The following CFAP74 variants were observed in gnomAD, a reference collection of about 807,000 sequenced individuals.
The protein encoded by CFAP74 is cilia- and flagella-associated protein 74.
In CFAP74, 124 loss-of-function variants were observed where a neutral mutation model predicts 188.9. The ratio of observed to expected loss-of-function variants is 0.66; its 90% CI spans 0.57 to 0.76. CFAP74 has a LOEUF of 0.76. Ranked by LOEUF, CFAP74 falls within the 30% of genes least tolerant of loss-of-function variation. The probability of loss-of-function intolerance (pLI) is 0.00; values close to 1 mark genes in which losing one functional copy is unlikely to be tolerated. For synonymous variants in CFAP74, 956 were observed against 916.7 expected, an observed-to-expected ratio of 1.04 and a Z score of -0.77; for missense variants, 2,198 against 2,165.2, an observed-to-expected ratio of 1.02 and a Z score of -0.30.
chr1:1,931,743 C>CAGAAACA (rs1652400160), intron 25 of CFAP74, among the ~76,000 whole-genome samples: 1 of 77,088 alleles, frequency 1.3e-5, no homozygotes. Flanking sequence ...GTCTCTGTCT[C>CAGAAACA]AAAAAAAAAA....
At chr1:1,950,051 T>A (rs192231857) in intron 18 of CFAP74, among the ~76,000 whole-genome samples, 1 of 152,194 alleles carries the variant, frequency 6.6e-6, no homozygotes, top group African/African-American at 2.4e-5. Context: ...CCTTGGTGGG[T>A]GTCTGGCTTT....
chr1:1,943,488 C>G (rs1653531193), intron 21 of CFAP74, among the ~76,000 whole-genome samples: 1 of 152,252 alleles, frequency 6.6e-6, no homozygotes, highest in African/African-American at 2.4e-5. Context: ...GTCCGCACAC[C>G]CTGCTCCTTG....
rs369362873 is a variant in CFAP74, at chr1:1,992,599, G to A, written c.-19-1624C>T. ...CGCCCCTCTCCTGTCTCAGCCTCCCGAGTAGCTGGGACTACAGGCGCCCAC... is the reference window on the plus strand; with the variant it reads ...CGCCCCTCTCCTGTCTCAGCCTCCCAAGTAGCTGGGACTACAGGCGCCCAC... On this transcript the variant is annotated intron_variant, in intron 1 of 38. Coordinates refer to ENST00000682832, the MANE Select transcript of CFAP74 (RefSeq NM_001304360.2). 2.1e-3 allele frequency among the ~76,000 whole-genome samples: 321 copies of A among 151,556 alleles called. 2 individuals carry two copies. Among genetic ancestry groups the A allele is most frequent in the African/African-American group, 7.4e-3 (306 of 41,286 alleles).
In CFAP74 at chr1:1,927,731, CCATATT is replaced by C. The variant is rs931953484; in HGVS notation, c.3397_3402del (p.Asn1133_Met1134del). 6.5e-7 allele frequency: 1 copy of C among 1,549,916 alleles called. No individual in the cohort carries two copies. Among genetic ancestry groups the C allele is most frequent in the Non-Finnish European group, 8.7e-7 (1 of 1,146,756 alleles). On this transcript the variant is annotated inframe_deletion, in exon 28 of 39. Transcript: ENST00000682832. ...CCATGCAGGTCCTTCCTCTGGGGGG[CCATATT>C]CTTTCGGAACTGTGGGGGGAGCGAC...
At chr1:1,986,472 C>T (rs1048971386) in intron 5 of CFAP74, among the ~76,000 whole-genome samples, 12 of 152,196 alleles carry the variant, frequency 7.9e-5, no homozygotes, top group Admixed American at 3.9e-4. Context: ...GGGCTGAACT[C>T]GGCAGGCCCT....
chr1:1,924,954 G>A (rs371553356), intron 33 of CFAP74, among the ~76,000 whole-genome samples: 25 of 152,380 alleles, frequency 1.6e-4, no homozygotes, highest in African/African-American at 4.8e-4. Flanking sequence ...TGTCCCTCCC[G>A]GACCCACACT....
In CFAP74 at chr1:1,926,151, C is replaced by T. The variant is rs143829795; in HGVS notation, c.3948+77G>A. 2.9e-4 allele frequency: 418 copies of T among 1,454,336 alleles called. 1 individual carries two copies. The East Asian group carries it at 9.8e-3, about 34-fold the overall frequency. 90.1% of individuals were successfully genotyped at this position (1,454,336 alleles called of 1,614,324 possible). ...CCCAGGCCTGAGCACAGGTGATGCC[C>T]GCCCCGGCCAGTGCCTTTGTTCTGC... On this transcript the variant is annotated intron_variant, in intron 32 of 38. Transcript: ENST00000682832.
At chr1:1,988,814 CT>C (rs1283769899) in intron 3 of CFAP74, 74 bp downstream of exon 3, 13 of 695,984 alleles carry the variant, frequency 1.9e-5, no homozygotes, top group Non-Finnish European at 3.1e-5. Flanking sequence ...GCCCCGCTCC[CT>C]TCACCCACCC....
In CFAP74 at chr1:1,957,160, A is replaced by C. The variant is rs148955538; in HGVS notation, c.1852-376T>G. On this transcript the variant is annotated intron_variant, in intron 16 of 38. Transcript: ENST00000682832. The stretch of plus-strand genomic sequence containing the variant: ...GGACTCTGGATACAGGGACCCAGGG[A>C]GCATCCTTCCAGAACGGGAGCACGC... 7.5e-3 allele frequency among the ~76,000 whole-genome samples: 1,140 copies of C among 152,280 alleles called. 23 individuals are homozygous for C. The highest frequency in any genetic ancestry group is 0.026 in the African/African-American group (1,061 of 41,560).
intron 22 of CFAP74, 121 bp from the exon 23 acceptor site, chr1:1,940,524 C>T (rs952272528): frequency 4.2e-5 from 29 of 689,992 alleles, no homozygotes; most frequent in Non-Finnish European, 6.3e-5. Flanking sequence ...GGAACATCAG[C>T]GCTGGGAGAC....
intron 33 of CFAP74, among the ~76,000 whole-genome samples, chr1:1,925,150 G>A (rs1418491458): frequency 4.7e-5 from 7 of 149,938 alleles, no homozygotes; most frequent in Non-Finnish European, 8.9e-5. Context: ...ACGCAGGGCA[G>A]GGCGAAGGCA....
intron 6 of CFAP74, among the ~76,000 whole-genome samples, chr1:1,974,962 G>A (rs1002231257): frequency 1.3e-5 from 2 of 152,210 alleles, no homozygotes; most frequent in African/African-American, 4.8e-5. Context: ...GCAAGGAGCC[G>A]CTCCTGGAGA....
Position 1,986,924 on chromosome 1 carries a change from G to T in CFAP74, c.395+13C>A. 2.5e-6 allele frequency: 4 copies of T among 1,597,288 alleles called. No individual in the cohort carries two copies. Among genetic ancestry groups the T allele is most frequent in the Non-Finnish European group, 3.4e-6 (4 of 1,176,982 alleles). On this transcript the variant is annotated intron_variant, in intron 5 of 38. Coordinates refer to ENST00000682832, the MANE Select transcript of CFAP74 (RefSeq NM_001304360.2). ...CATGCCCGGTTCCCTGCCCCCTGGC[G>T]AGGGCCACCTACATGTTGCCCGCCT... is the stretch of plus-strand genomic sequence containing the variant.
At chr1:1,922,770 C>A in intron 37 of CFAP74, 47 bp from the exon 38 acceptor site, 1 of 1,584,212 alleles carries the variant, frequency 6.3e-7, no homozygotes, top group South Asian at 1.1e-5. Flanking sequence ...GCACCGCTCC[C>A]AGAAGCAGTG....
Position 1,956,627 on chromosome 1 carries a change from A to G in CFAP74, c.2009T>C (p.Leu670Pro), listed in dbSNP as rs769639597. Reference protein sequence around the residue: ...PCEMDDSQSALKLSSLLTYED... With the variant: ...PCEMDDSQSAPKLSSLLTYED... ...GCTGAGTGGCACACTCACTAATTTC[A>G]GGGCAGACTGGGAGTCGTCCATCTC... is the stretch of plus-strand genomic sequence containing the variant. Residue 670 changes from leucine (L) to proline (P), a missense_variant, in exon 17 of 39, where the codon CTG becomes CCG. Physicochemically the swap from Leu to Pro is moderately conservative, Grantham distance 98. Transcript: ENST00000682832. 1.2e-5 allele frequency: 20 copies of G among 1,613,998 alleles called. No homozygotes were observed. The South Asian group carries it at 2.2e-4, about 18-fold the overall frequency.
rs925470599 is a variant in CFAP74 at position 1,990,941 on chromosome 1, T to G, written c.16A>C (p.Ser6Arg). ...AAAAGCTCGTCCTCAGGGAGCAGGC[T>G]GCCGTCATCCTCCATGCTGGGAGAT... MEDDGSLLPEDELLAD... is the reference protein window; with the variant it reads MEDDGRLLPEDELLAD... Residue 6 changes from serine (S) to arginine (R), a missense_variant, in exon 2 of 39, where the codon AGC becomes CGC. Ser to Arg is a moderately radical substitution (Grantham distance 110). Coordinates refer to ENST00000682832, the MANE Select transcript of CFAP74 (RefSeq NM_001304360.2). 3 of 1,612,980 alleles carry G rather than the reference T, an allele frequency of 1.9e-6. No individual in the cohort carries two copies. The highest frequency in any genetic ancestry group is 2.5e-6 in the Non-Finnish European group (3 of 1,179,720).
intron 20 of CFAP74, among the ~76,000 whole-genome samples, chr1:1,945,689 G>A (rs1404549167): frequency 3.9e-5 from 6 of 152,034 alleles, no homozygotes; most frequent in Non-Finnish European, 8.8e-5. Flanking sequence ...TTAGCCAGGT[G>A]TGGTGGCACG....
rs188701376 is a variant in CFAP74, at chr1:1,990,661, A to T, written c.67+229T>A. Among the ~76,000 whole-genome samples, 69 of 152,356 alleles carry T rather than the reference A, an allele frequency of 4.5e-4. No individual in the cohort carries two copies. In the East Asian group the frequency reaches 0.013, roughly 28 times the overall value. ...TAAAAATGGCATCAGATTTCTCAAT[A>T]CTGATGTTGGAAACTAGAAAACTAT... On this transcript the variant is annotated intron_variant, in intron 2 of 38. Coordinates refer to ENST00000682832, the MANE Select transcript of CFAP74 (RefSeq NM_001304360.2).
intron 26 of CFAP74, among the ~76,000 whole-genome samples, chr1:1,929,855 G>A (rs932965564): frequency 3.9e-5 from 6 of 152,004 alleles, no homozygotes; most frequent in South Asian, 2.1e-4. Flanking sequence ...GACCCCCCCC[G>A]ATGGGGGTGG....
Sources: gnomAD v4.1 joint callset for allele counts (sites outside exome capture counted in the v4.1 genomes callset) on GRCh38, gnomAD v4.1.1 for gene constraint, MANE v1.5 for transcripts, NCBI Gene and HGNC (gene_info 2026-07-23, HGNC 2026-07-21) for gene names.